GPR143: variants seen among roughly 807,000 people sequenced by gnomAD.
The protein encoded by GPR143 is G-protein coupled receptor 143.
GPR143 carries 8 observed loss-of-function variants against 27.6 expected under a neutral mutation model. That is an observed-to-expected ratio of 0.29 (90% CI 0.17 to 0.52). The LOEUF is 0.52. Ranked by LOEUF, GPR143 falls within the 20% of genes least tolerant of loss-of-function variation. GPR143 has a pLI of 0.96. For missense variants in GPR143, 303 were observed against 343.1 expected, an observed-to-expected ratio of 0.88 and a Z score of 0.92; for synonymous variants, 156 against 153.2, an observed-to-expected ratio of 1.02 and a Z score of -0.13.
At chrX:9,763,229 G>A (rs760460356) in intron 1 of GPR143, among the ~76,000 whole-genome samples, 4 of 110,802 alleles carry the variant, frequency 3.6e-5, no homozygotes, top group African/African-American at 9.9e-5. Context: ...GTGAGCCACC[G>A]CACCTTTAGG....
intron 1 of GPR143, among the ~76,000 whole-genome samples, chrX:9,762,433 A>G (rs2083507026): frequency 9.0e-6 from 1 of 111,417 alleles, no homozygotes; most frequent in Non-Finnish European, 1.9e-5. Flanking sequence ...GGAGAACTGT[A>G]AACAACACCA....
rs184641266 is a variant in GPR143, at chrX:9,741,544, A to C, written c.768-89T>G. 6.9e-5 allele frequency: 37 copies of C among 535,928 alleles called. No homozygotes were observed. The East Asian group carries it at 1.3e-3, about 19-fold the overall frequency. The allele number at this position is 535,928 out of a possible 1,213,427, so 44.2% of individuals were successfully genotyped here. A position where few individuals can be genotyped will look rare whatever the true frequency, so the allele number is the denominator to read the frequency against. Reference sequence around the variant, plus strand: ...GAGAGTCAGAGAAGAATTTCTACCAAGACCTAAAAGTACCAACTCCCGGTA... The same window carrying C: ...GAGAGTCAGAGAAGAATTTCTACCACGACCTAAAAGTACCAACTCCCGGTA... On this transcript the variant is annotated intron_variant, in intron 6 of 8. Coordinates refer to ENST00000467482, the MANE Select transcript of GPR143 (RefSeq NM_000273.3).
chrX:9,766,499 G>A (rs1229665311), upstream of GPR143, among the ~76,000 whole-genome samples: 6 of 112,128 alleles, frequency 5.4e-5, no homozygotes, highest in Non-Finnish European at 1.1e-4. Flanking sequence ...GCCGAGGCAG[G>A]CAGATCGCTT....
At chrX:9,769,954 A>G (rs2083547518), upstream of GPR143, among the ~76,000 whole-genome samples, 2 of 110,413 alleles carry the variant, frequency 1.8e-5, no homozygotes, top group African/African-American at 3.3e-5. Flanking sequence ...TATTACATTC[A>G]TTATCTCATT....
chrX:9,746,128 T>C lies in GPR143; in HGVS notation c.574A>G (p.Ile192Val). ...SRCERGLDHA[I>V]PHYVTMYLPL... is the part of the protein sequence containing the mutation. ...AGGTACATGGTGACATAGTGGGGGA[T>C]GGCGTGGTCCAGGCCCCGCTCACAC... The change falls in exon 5 of 9, where the codon ATC becomes GTC. Residue 192 changes from isoleucine (I) to valine (V), a missense_variant. Coordinates refer to ENST00000467482, the MANE Select transcript of GPR143 (RefSeq NM_000273.3). The C allele has an allele frequency of 8.4e-7, 1 of 1,195,660 alleles. No individual in the cohort carries two copies. The highest frequency in any genetic ancestry group is 1.7e-5 in the African/African-American group (1 of 57,453).
chrX:9,766,680 AG>A (rs1003823933), upstream of GPR143, among the ~76,000 whole-genome samples: 4 of 111,430 alleles, frequency 3.6e-5, no homozygotes, highest in African/African-American at 1.3e-4. Flanking sequence ...GAGCCAAGAT[AG>A]TGCCACTGCA....
chrX:9,763,545 G>A (rs1343346091), intron 1 of GPR143, among the ~76,000 whole-genome samples: 1 of 111,505 alleles, frequency 9.0e-6, no homozygotes, highest in African/African-American at 3.3e-5. Context: ...GGCTCTCTCT[G>A]AGATCTGAAT....
chrX:9,750,008 C>A (rs1047900217), intron 3 of GPR143, among the ~76,000 whole-genome samples: 4 of 112,477 alleles, frequency 3.6e-5, no homozygotes, highest in Non-Finnish European at 7.5e-5. Flanking sequence ...TCAAGTGATC[C>A]CCCTGCCTCG....
chrX:9,737,114 T>C (rs1173707246), intron 8 of GPR143, among the ~76,000 whole-genome samples: 3 of 111,621 alleles, frequency 2.7e-5, no homozygotes, highest in Non-Finnish European at 5.6e-5. Flanking sequence ...CTGGGCAACA[T>C]AGGGAGACCC....
At chrX:9,754,168 G>T (rs747075633) in intron 3 of GPR143, among the ~76,000 whole-genome samples, 32 of 111,781 alleles carry the variant, frequency 2.9e-4, no homozygotes, top group Non-Finnish European at 5.1e-4. Flanking sequence ...CCACCCCATC[G>T]GGACTTCAAC....
At chrX:9,774,225 A>G (rs989335776) in intron 1 of GPR143, among the ~76,000 whole-genome samples, 7 of 112,557 alleles carry the variant, frequency 6.2e-5, no homozygotes, top group Admixed American at 4.7e-4. Flanking sequence ...ATCTCCTACC[A>G]AAGTCAAAAG....
intron 6 of GPR143, 32 bp downstream of exon 6, chrX:9,743,533 A>G: frequency 1.2e-6 from 1 of 830,613 alleles, no homozygotes; most frequent in Non-Finnish European, 1.8e-6. Context: ...CCCACTGGCA[A>G]TAAAAATACA....
intron 3 of GPR143, among the ~76,000 whole-genome samples, chrX:9,754,082 G>A (rs936721168): frequency 9.0e-6 from 1 of 111,258 alleles, no homozygotes; most frequent in Non-Finnish European, 1.9e-5. Context: ...ACGAGGTGGG[G>A]TAGGGGGCTG....
upstream of GPR143, among the ~76,000 whole-genome samples, chrX:9,770,321 A>AAGAAAG (rs199635476): frequency 1.1e-5 from 1 of 88,168 alleles, no homozygotes; most frequent in African/African-American, 4.9e-5. Flanking sequence ...GAAAGAAAGA[A>AAGAAAG]AAAGAGAGAG....
At chrX:9,756,057 G>A (rs983065741) in intron 3 of GPR143, among the ~76,000 whole-genome samples, 2 of 111,954 alleles carry the variant, frequency 1.8e-5, no homozygotes, top group Non-Finnish European at 3.8e-5. Context: ...TTGATGATGT[G>A]ATCTACATAA....
chrX:9,753,640 G>A (rs1354624129), intron 3 of GPR143, among the ~76,000 whole-genome samples: 6 of 111,345 alleles, frequency 5.4e-5, no homozygotes, highest in African/African-American at 1.3e-4. Flanking sequence ...GGACATGAAC[G>A]TGGGGTTCCT....
intron 1 of GPR143, among the ~76,000 whole-genome samples, chrX:9,773,480 TACACAC>T (rs57491053): frequency 0.42 from 43,412 of 102,192 alleles, 6,755 homozygotes; most frequent in East Asian, 0.48. Flanking sequence ...GCTTTGAAAG[TACACAC>T]ACACACACAC....
At chrX:9,772,696 C>T (rs1165248734) in intron 1 of GPR143, among the ~76,000 whole-genome samples, 1 of 107,332 alleles carries the variant, frequency 9.3e-6, no homozygotes, top group Admixed American at 1.0e-4. Flanking sequence ...ACCTGTGGTC[C>T]CAGCTGCTGT....
intron 2 of GPR143, 139 bp downstream of exon 2, chrX:9,760,576 CAG>C (rs1373180015): frequency 2.1e-6 from 1 of 470,748 alleles, no homozygotes; most frequent in Non-Finnish European, 3.9e-6. Context: ...TTTGTTAAAA[CAG>C]AGAGGGCTGG....
Sources: allele counts gnomAD v4.1 joint callset (sites outside exome capture counted in the v4.1 genomes callset), GRCh38; gene constraint gnomAD v4.1.1; transcripts MANE v1.5; gene names NCBI Gene and HGNC (gene_info 2026-07-23, HGNC 2026-07-21).